RAB38: variants seen among roughly 807,000 people sequenced by gnomAD.
The protein encoded by RAB38 is ras-related protein Rab-38.
RAB38 carries 15 observed loss-of-function variants against 18.4 expected under a neutral mutation model. That is an observed-to-expected ratio of 0.82 (90% CI 0.55 to 1.26). RAB38 has a LOEUF of 1.26. Among genes scored for constraint, RAB38 ranks in the 50% most tolerant of loss-of-function variants. RAB38 has a pLI of 0.00. For missense variants in RAB38, 294 were observed against 267.4 expected (o/e 1.10, Z -0.69); for synonymous variants, 101 against 104.4 (o/e 0.97, Z 0.20).
chr11:88,078,604 A>G, the RAB38 span, among the ~76,000 whole-genome samples: 1 of 151,886 alleles, frequency 6.6e-6, no homozygotes, highest in African/African-American at 2.4e-5. Flanking sequence ...TCATTATGTT[A>G]AGTGAAATAA....
chr11:88,083,186 A>G, the RAB38 span, among the ~76,000 whole-genome samples: 32 of 151,958 alleles, frequency 2.1e-4, no homozygotes, highest in Admixed American at 1.8e-3. Flanking sequence ...CCTTTCTTGA[A>G]TACCCTATTT....
At chr11:87,808,686 A>G in the RAB38 span, among the ~76,000 whole-genome samples, 1 of 152,190 alleles carries the variant, frequency 6.6e-6, no homozygotes, top group African/African-American at 2.4e-5. Flanking sequence ...GAAATAAAGC[A>G]TATGTTAATT....
chr11:88,076,472 A>T, the RAB38 span, among the ~76,000 whole-genome samples: 1 of 152,174 alleles, frequency 6.6e-6, no homozygotes, highest in Admixed American at 6.5e-5. Flanking sequence ...ATTGGAAAAG[A>T]AGTCAAATTA....
chr11:87,809,915 T>C, the RAB38 span, among the ~76,000 whole-genome samples: 1 of 149,916 alleles, frequency 6.7e-6, no homozygotes, highest in African/African-American at 2.5e-5. Context: ...TTTCAAAATA[T>C]TATATCTCTT....
chr11:88,155,101 C>T (rs1943109428), intron 1 of RAB38, among the ~76,000 whole-genome samples: 1 of 152,064 alleles, frequency 6.6e-6, no homozygotes, highest in South Asian at 2.1e-4. Context: ...TGCTGAGGTA[C>T]ACAACTCACA....
the RAB38 span, among the ~76,000 whole-genome samples, chr11:87,936,456 A>G: frequency 6.6e-6 from 1 of 152,092 alleles, no homozygotes; most frequent in Non-Finnish European, 1.5e-5. Context: ...AGTTGGGTAC[A>G]TTTGTATGGA....
the RAB38 span, among the ~76,000 whole-genome samples, chr11:87,862,616 G>A: frequency 3.3e-5 from 5 of 151,600 alleles, no homozygotes; most frequent in African/African-American, 4.8e-5. Flanking sequence ...CACAACACAA[G>A]TTTACCTATG....
At chr11:87,804,235 C>T in the RAB38 span, among the ~76,000 whole-genome samples, 1 of 152,140 alleles carries the variant, frequency 6.6e-6, no homozygotes, top group African/African-American at 2.4e-5. Flanking sequence ...TCTTTACTTT[C>T]TACCTCTCTC....
chr11:87,899,202 G>A, the RAB38 span, among the ~76,000 whole-genome samples: 1 of 151,598 alleles, frequency 6.6e-6, no homozygotes, highest in African/African-American at 2.4e-5. Context: ...TGCACCGGGT[G>A]CAAAGACGGA....
At chr11:87,825,032 G>C in the RAB38 span, among the ~76,000 whole-genome samples, 2 of 152,046 alleles carry the variant, frequency 1.3e-5, no homozygotes, top group Admixed American at 6.6e-5. Flanking sequence ...GTGTGAGAGA[G>C]AGAGAGAGAA....
chr11:88,112,550 C>T (rs1942487568), downstream of RAB38, among the ~76,000 whole-genome samples: 1 of 152,146 alleles, frequency 6.6e-6, no homozygotes. Flanking sequence ...ACCACGTTTC[C>T]TCCACTAAAG....
chr11:88,111,373 T>G (rs762191429), downstream of RAB38, among the ~76,000 whole-genome samples: 1 of 152,126 alleles, frequency 6.6e-6, no homozygotes. Flanking sequence ...GACCCTTGTC[T>G]GTATAGTAAC....
the RAB38 span, among the ~76,000 whole-genome samples, chr11:87,914,603 A>T: frequency 3.3e-5 from 5 of 152,156 alleles, no homozygotes; most frequent in Non-Finnish European, 7.4e-5. Context: ...AGAGAATGAA[A>T]AAGTGTTTTC....
the RAB38 span, among the ~76,000 whole-genome samples, chr11:87,903,872 T>C: frequency 6.6e-6 from 1 of 151,638 alleles, no homozygotes; most frequent in Admixed American, 6.6e-5. Flanking sequence ...CAGTAGCATA[T>C]AGAAGGAAGT....
the RAB38 span, among the ~76,000 whole-genome samples, chr11:87,944,680 A>G: frequency 6.6e-6 from 1 of 152,128 alleles, no homozygotes; most frequent in African/African-American, 2.4e-5. Flanking sequence ...TTTCTACTCT[A>G]TACCTTCCAT....
the RAB38 span, among the ~76,000 whole-genome samples, chr11:87,952,653 C>G: frequency 6.6e-6 from 1 of 152,174 alleles, no homozygotes; most frequent in Non-Finnish European, 1.5e-5. Context: ...GGGTTCAGTA[C>G]TATGCATGGT....
At chr11:87,976,622 TATAA>T in the RAB38 span, among the ~76,000 whole-genome samples, 1 of 107,872 alleles carries the variant, frequency 9.3e-6, no homozygotes, top group Non-Finnish European at 1.8e-5. Flanking sequence ...TTACATGATA[TATAA>T]ATATATATGA....
the RAB38 span, among the ~76,000 whole-genome samples, chr11:87,977,731 T>A: frequency 2.0e-5 from 1 of 51,020 alleles, no homozygotes; most frequent in Non-Finnish European, 3.3e-5. Flanking sequence ...TTATATGACA[T>A]ATGTTATATA....
the RAB38 span, among the ~76,000 whole-genome samples, chr11:87,927,230 G>C: frequency 1.3e-5 from 2 of 151,970 alleles, no homozygotes; most frequent in Non-Finnish European, 2.9e-5. Context: ...TGCAGGTAGG[G>C]ATTATATTAA....
Sources: allele counts gnomAD v4.1 joint callset (sites outside exome capture counted in the v4.1 genomes callset), GRCh38; gene constraint gnomAD v4.1.1; transcripts MANE v1.5; gene names NCBI Gene and HGNC (gene_info 2026-07-23, HGNC 2026-07-21).